The following YAP1 variants were observed in gnomAD, a reference collection of about 807,000 sequenced individuals.
YAP1 encodes the protein Yes1 associated transcriptional regulator.
Under a neutral mutation model 56.9 loss-of-function variants are expected in YAP1, and 5 were observed. That is an observed-to-expected ratio of 0.09 (90% CI 0.05 to 0.18). The LOEUF is 0.18. Ranked by LOEUF, YAP1 falls within the 10% of genes least tolerant of loss-of-function variation. The pLI is 1.00. For synonymous variants in YAP1, 265 were observed against 248.1 expected (o/e 1.07, Z -0.64); for missense variants, 539 against 651.8 (o/e 0.83, Z 1.88).
intron 2 of YAP1, among the ~76,000 whole-genome samples, chr11:102,162,125 A>G (rs1946323157): frequency 6.6e-6 from 1 of 152,212 alleles, no homozygotes; most frequent in African/African-American, 2.4e-5. Context: ...TTTTAGTCAT[A>G]TGGTTACTCT....
chr11:102,149,646 T>C (rs1945514099), intron 2 of YAP1, among the ~76,000 whole-genome samples: 1 of 152,200 alleles, frequency 6.6e-6, no homozygotes, highest in Non-Finnish European at 1.5e-5. Context: ...ACAGAAATGG[T>C]ATGTAAATAA....
At chr11:102,185,033 A>G (rs1483553296) in intron 3 of YAP1, among the ~76,000 whole-genome samples, 1 of 152,228 alleles carries the variant, frequency 6.6e-6, no homozygotes, top group Non-Finnish European at 1.5e-5. Context: ...AATGACTAGC[A>G]CAAGATAAGT....
At chr11:102,159,740 A>G (rs1346538921) in intron 2 of YAP1, among the ~76,000 whole-genome samples, 1 of 152,202 alleles carries the variant, frequency 6.6e-6, no homozygotes, top group Non-Finnish European at 1.5e-5. Flanking sequence ...GGTAGAGCAG[A>G]TTGATAAAAA....
chr11:102,111,165 G>T lies in YAP1; in HGVS notation c.317G>T (p.Arg106Leu). ...FKPPEPKSHS[R>L]QASTDAGTAG... ...CCGCCGGAGCCCAAATCCCACTCCC[G>T]ACAGGTAACCTCGTTGCCCCTCTCC... Residue 106 changes from arginine to leucine, a missense_variant, in exon 1 of 9, where the codon CGA becomes CTA. Transcript: ENST00000282441. 1 of 1,612,558 alleles carries T rather than the reference G, an allele frequency of 6.2e-7. No homozygotes were observed. Among genetic ancestry groups the T allele is most frequent in the South Asian group, 1.1e-5 (1 of 91,058 alleles).
chr11:102,187,746 A>G (rs950206350), intron 4 of YAP1, among the ~76,000 whole-genome samples: 3 of 152,196 alleles, frequency 2.0e-5, no homozygotes, highest in Non-Finnish European at 4.4e-5. Flanking sequence ...TAAGTAGACT[A>G]TTGATTACAC....
intron 2 of YAP1, among the ~76,000 whole-genome samples, chr11:102,136,151 TGGTTTTAA>T (rs1366523351): frequency 2.0e-5 from 3 of 152,230 alleles, no homozygotes; most frequent in African/African-American, 7.2e-5. Flanking sequence ...TATACCACTG[TGGTTTTAA>T]CTTACATTGC....
intron 1 of YAP1, chr11:102,112,499 T>C (rs1375834176): frequency 1.0e-6 from 1 of 977,876 alleles, no homozygotes; most frequent in East Asian, 1.2e-4. Flanking sequence ...CAAAAGTTAA[T>C]AGGTTTTCCA....
At chr11:102,182,899 T>C (rs914277064) in intron 3 of YAP1, among the ~76,000 whole-genome samples, 2 of 152,232 alleles carry the variant, frequency 1.3e-5, no homozygotes, top group Admixed American at 1.3e-4. Context: ...TTGGTATAAA[T>C]GTTAATTGCA....
intron 2 of YAP1, among the ~76,000 whole-genome samples, chr11:102,132,338 G>A (rs1944411994): frequency 6.6e-6 from 1 of 152,190 alleles, no homozygotes; most frequent in South Asian, 2.1e-4. Flanking sequence ...CACCTTGAAT[G>A]ACATTGCATC....
At chr11:102,209,437 G>T in intron 5 of YAP1, 80 bp from the exon 6 acceptor site, 2 of 1,280,610 alleles carry the variant, frequency 1.6e-6, no homozygotes, top group South Asian at 2.5e-5. Context: ...GATATGTCTG[G>T]ATACAATTTG....
intron 4 of YAP1, among the ~76,000 whole-genome samples, chr11:102,200,811 A>G (rs1948815581): frequency 1.3e-5 from 2 of 152,202 alleles, no homozygotes; most frequent in African/African-American, 2.4e-5. Context: ...GGTAACTTAT[A>G]TCACAGACAC....
intron 6 of YAP1, among the ~76,000 whole-genome samples, chr11:102,215,679 A>T (rs1440872327): frequency 1.3e-5 from 2 of 152,104 alleles, no homozygotes; most frequent in Non-Finnish European, 2.9e-5. Flanking sequence ...GGGTTTCACC[A>T]TGTTGGTCAG....
chr11:102,152,438 G>A (rs746870098), intron 2 of YAP1, among the ~76,000 whole-genome samples: 12 of 152,188 alleles, frequency 7.9e-5, no homozygotes, highest in African/African-American at 1.2e-4. Context: ...GATTCGCCTC[G>A]ATTTGAGAGG....
intron 2 of YAP1, among the ~76,000 whole-genome samples, chr11:102,116,388 G>A (rs1943291119): frequency 1.3e-5 from 2 of 152,146 alleles, no homozygotes; most frequent in African/African-American, 2.4e-5. Flanking sequence ...AGTACATGTA[G>A]GAGGTCCTGG....
intron 3 of YAP1, among the ~76,000 whole-genome samples, chr11:102,167,301 A>G (rs1274313545): frequency 1.3e-5 from 2 of 152,248 alleles, no homozygotes; most frequent in Non-Finnish European, 2.9e-5. Flanking sequence ...GAAGAAGAGG[A>G]AAATGGAAAA....
intron 2 of YAP1, among the ~76,000 whole-genome samples, chr11:102,156,198 A>G (rs1945934285): frequency 6.6e-6 from 1 of 152,354 alleles, no homozygotes; most frequent in South Asian, 2.1e-4. Flanking sequence ...CAGTTTAAGC[A>G]AAACAGTAGA....
intron 3 of YAP1, among the ~76,000 whole-genome samples, chr11:102,184,693 T>C (rs562835963): frequency 1.3e-5 from 2 of 152,356 alleles, no homozygotes; most frequent in African/African-American, 4.8e-5. Context: ...AAGTTACTTA[T>C]TCAGCATCAC....
chr11:102,153,348 C>T (rs1945771164), intron 2 of YAP1, among the ~76,000 whole-genome samples: 1 of 152,160 alleles, frequency 6.6e-6, no homozygotes, highest in Non-Finnish European at 1.5e-5. Flanking sequence ...TTCCACTGCT[C>T]CTCCCCACCA....
intron 6 of YAP1, among the ~76,000 whole-genome samples, chr11:102,216,014 G>A (rs946772107): frequency 6.6e-6 from 1 of 152,112 alleles, no homozygotes; most frequent in African/African-American, 2.4e-5. Flanking sequence ...GCGTGCTAGC[G>A]TGAACACACT....
Sources: allele counts gnomAD v4.1 joint callset (sites outside exome capture counted in the v4.1 genomes callset), GRCh38; gene constraint gnomAD v4.1.1; transcripts MANE v1.5; gene names NCBI Gene and HGNC (gene_info 2026-07-23, HGNC 2026-07-21).